CACNG2: variants seen among roughly 807,000 people sequenced by gnomAD.
CACNG2 encodes calcium voltage-gated channel auxiliary subunit gamma 2.
CACNG2 carries 3 observed loss-of-function variants against 25.9 expected under a neutral mutation model. The ratio of observed to expected loss-of-function variants is 0.12; its 90% CI spans 0.05 to 0.30. The LOEUF (loss-of-function observed/expected upper bound fraction) is 0.30. Among genes scored for constraint, CACNG2 ranks in the 10% least tolerant of loss-of-function variants. The pLI, the probability that CACNG2 is intolerant of heterozygous loss-of-function variation, is 1.00. For missense variants in CACNG2, 341 were observed against 432.5 expected, an observed-to-expected ratio of 0.79 and a Z score of 1.88; for synonymous variants, 167 against 173.3, an observed-to-expected ratio of 0.96 and a Z score of 0.29.
At chr22:36,663,760 G>C (rs1936834463) in intron 1 of CACNG2, among the ~76,000 whole-genome samples, 1 of 152,166 alleles carries the variant, frequency 6.6e-6, no homozygotes, top group African/African-American at 2.4e-5. Context: ...GCGTCATGGG[G>C]ACCCGCTGTG....
intron 2 of CACNG2, among the ~76,000 whole-genome samples, chr22:36,566,929 G>T (rs1217935348): frequency 6.6e-6 from 1 of 152,184 alleles, no homozygotes; most frequent in Non-Finnish European, 1.5e-5. Flanking sequence ...TCAAAACCCA[G>T]CTCGAAGTCC....
At chr22:36,610,630 C>T (rs1412687080) in intron 1 of CACNG2, among the ~76,000 whole-genome samples, 1 of 152,174 alleles carries the variant, frequency 6.6e-6, no homozygotes, top group African/African-American at 2.4e-5. Flanking sequence ...AGGAGTGACC[C>T]CCAAAGCCAG....
At chr22:36,672,347 T>C (rs1326737505) in intron 1 of CACNG2, among the ~76,000 whole-genome samples, 1 of 152,018 alleles carries the variant, frequency 6.6e-6, no homozygotes, top group Non-Finnish European at 1.5e-5. Context: ...TTATAGAGAC[T>C]TGGTCTCACT....
intron 1 of CACNG2, among the ~76,000 whole-genome samples, chr22:36,607,153 C>T (rs2145937033): frequency 6.6e-6 from 1 of 152,134 alleles, no homozygotes; most frequent in South Asian, 2.1e-4. Flanking sequence ...AGCCATGGGC[C>T]CAGATTCCTC....
In CACNG2 at chr22:36,563,059, G is replaced by T. The variant is rs1192787901; in HGVS notation, c.*1292C>A. The T allele has an allele frequency of 1.3e-5, 2 of 151,112 alleles. No homozygotes were observed. The highest frequency in any genetic ancestry group is 2.9e-5 in the Non-Finnish European group (2 of 67,898). 9.4% of individuals were successfully genotyped at this position (151,112 alleles called of 1,614,324 possible). A position where few individuals can be genotyped will look rare whatever the true frequency, so the allele number is the denominator to read the frequency against. ...AAGAATTAAAAGAAAAATACTATCT[G>T]ATTTTCTTGCAAGTAAATCCACTTA... On this transcript the variant is annotated 3_prime_UTR_variant, in exon 4 of 4. Transcript: ENST00000300105.
chr22:36,592,662 G>T (rs1427875191), intron 1 of CACNG2, among the ~76,000 whole-genome samples: 1 of 152,204 alleles, frequency 6.6e-6, no homozygotes, highest in East Asian at 1.9e-4. Context: ...AATGAGTGGT[G>T]TGATCTTTTG....
chr22:36,638,754 A>G (rs768936434), intron 1 of CACNG2, among the ~76,000 whole-genome samples: 2 of 152,232 alleles, frequency 1.3e-5, no homozygotes, highest in Non-Finnish European at 2.9e-5. Context: ...GTTAAGGACC[A>G]GGACAGTTCT....
Position 36,564,893 on chromosome 22 carries a change from G to A in CACNG2, c.437-7C>T. The A allele has an allele frequency of 6.2e-7, 1 of 1,609,720 alleles. No homozygotes were observed. Among genetic ancestry groups the A allele is most frequent in the Non-Finnish European group, 8.5e-7 (1 of 1,179,752 alleles). On this transcript the variant is annotated splice_polypyrimidine_tract_variant and splice_region_variant and intron_variant, in intron 3 of 3. Coordinates refer to ENST00000300105, the MANE Select transcript of CACNG2 (RefSeq NM_006078.5). The surrounding 1 kb of genome is among the most constrained non-coding windows in gnomAD (Gnocchi z 6.7). ...CCAATGATGTTACTCAGACCTGCGG[G>A]GCGCAGGGTGGCGGGGTGGGGGATC...
chr22:36,603,592 A>G (rs1569026330), intron 1 of CACNG2, among the ~76,000 whole-genome samples: 2 of 152,212 alleles, frequency 1.3e-5, no homozygotes. Flanking sequence ...GGGCTAATGC[A>G]ACTGGTGACT....
chr22:36,656,092 G>A (rs1321525969), intron 1 of CACNG2, among the ~76,000 whole-genome samples: 2 of 152,152 alleles, frequency 1.3e-5, no homozygotes, highest in African/African-American at 4.8e-5. Context: ...ACAGGCATGA[G>A]TCACCGCACC....
intron 1 of CACNG2, among the ~76,000 whole-genome samples, chr22:36,661,036 G>A (rs1243898704): frequency 6.6e-6 from 1 of 152,208 alleles, no homozygotes; most frequent in Non-Finnish European, 1.5e-5. Context: ...TGTCAGTGCC[G>A]GCACATGCTT....
chr22:36,697,463 A>G (rs890552934), intron 1 of CACNG2, among the ~76,000 whole-genome samples: 6 of 152,178 alleles, frequency 3.9e-5, no homozygotes, highest in Non-Finnish European at 8.8e-5. Flanking sequence ...TAGGGGGACA[A>G]TGTAGCCCGA....
Position 36,606,068 on chromosome 22 carries a change from G to A in CACNG2, c.212-18520C>T, listed in dbSNP as rs931635329. On this transcript the variant is annotated intron_variant, in intron 1 of 3. Coordinates refer to ENST00000300105, the MANE Select transcript of CACNG2 (RefSeq NM_006078.5). This position sits in a 1 kb window ranked among gnomAD's most constrained non-coding sequence, Gnocchi z 5.7. ...TGCCGTGTATTAACCATGTGCTCTC[G>A]GACAAGGTGTTCATCTTTCAGTTCA... 2.0e-5 allele frequency among the ~76,000 whole-genome samples: 3 copies of A among 152,110 alleles called. No individual in the cohort carries two copies. Among genetic ancestry groups the A allele is most frequent in the Non-Finnish European group, 2.9e-5 (2 of 68,018 alleles).
At chr22:36,637,398 C>T (rs931335983) in intron 1 of CACNG2, among the ~76,000 whole-genome samples, 7 of 152,204 alleles carry the variant, frequency 4.6e-5, no homozygotes, top group East Asian at 1.9e-4. Flanking sequence ...GCAAGCCTTC[C>T]TAGCAAGGCC....
chr22:36,663,457 C>T (rs1266630787), intron 1 of CACNG2, among the ~76,000 whole-genome samples: 1 of 152,160 alleles, frequency 6.6e-6, no homozygotes, highest in Non-Finnish European at 1.5e-5. Context: ...AGTTCAAGCG[C>T]TCAGCATACC....
intron 1 of CACNG2, among the ~76,000 whole-genome samples, chr22:36,592,638 G>C (rs543907399): frequency 6.6e-6 from 1 of 152,122 alleles, no homozygotes; most frequent in Non-Finnish European, 1.5e-5. Context: ...CCAAATCACC[G>C]ATTGGTTTTT....
intron 2 of CACNG2, among the ~76,000 whole-genome samples, chr22:36,583,053 C>T (rs1935445681): frequency 6.6e-6 from 1 of 152,024 alleles, no homozygotes; most frequent in Non-Finnish European, 1.5e-5. Context: ...TGGTCCAGTT[C>T]CTCATGCTGC....
intron 1 of CACNG2, among the ~76,000 whole-genome samples, chr22:36,637,435 G>A (rs1186004861): frequency 2.0e-5 from 3 of 152,148 alleles, no homozygotes; most frequent in South Asian, 2.1e-4. Context: ...TTGGCATGGA[G>A]TATATGGGGA....
chr22:36,684,436 C>T (rs950793464), intron 1 of CACNG2, among the ~76,000 whole-genome samples: 8 of 151,804 alleles, frequency 5.3e-5, no homozygotes, highest in Non-Finnish European at 8.8e-5. Flanking sequence ...GGCAGCATGG[C>T]GAAACCCCAT....
Sources: gnomAD v4.1 joint callset for allele counts (sites outside exome capture counted in the v4.1 genomes callset) on GRCh38, gnomAD v4.1.1 for gene constraint, Gnocchi (gnomAD v3.1) non-coding constraint, MANE v1.5 for transcripts, NCBI Gene and HGNC (gene_info 2026-07-23, HGNC 2026-07-21) for gene names.